The following MALT1 variants were observed in gnomAD, a reference collection of about 807,000 sequenced individuals.
MALT1 encodes MALT1 paracaspase.
In MALT1, 36 loss-of-function variants were observed where a neutral mutation model predicts 85.5. The ratio of observed to expected loss-of-function variants is 0.42; its 90% CI spans 0.32 to 0.56. The LOEUF (loss-of-function observed/expected upper bound fraction) is 0.56. Among genes scored for constraint, MALT1 ranks in the 20% least tolerant of loss-of-function variants. The pLI, the probability that MALT1 is intolerant of heterozygous loss-of-function variation, is 0.10. For synonymous variants in MALT1, 359 were observed against 361.3 expected (o/e 0.99, Z 0.07); for missense variants, 716 against 981.6 (o/e 0.73, Z 3.62).
chr18:58,742,279 TAA>T (rs776036346), intron 14 of MALT1, among the ~76,000 whole-genome samples: 6 of 152,234 alleles, frequency 3.9e-5, no homozygotes, highest in Non-Finnish European at 8.8e-5. Flanking sequence ...TAAAATAGGT[TAA>T]GTTTCCATTT....
chr18:58,747,594 ACCT>A lies in MALT1; in HGVS notation c.2229_2231del (p.Ser744del). The A allele has an allele frequency of 6.2e-7, 1 of 1,614,176 alleles. No individual in the cohort carries two copies. Among genetic ancestry groups the A allele is most frequent in the Non-Finnish European group, 8.5e-7 (1 of 1,180,020 alleles). ...TGGTCCTTACCAGAGTTCTGCAGCC[ACCT>A]CAGGAGGAGCAGGGCATTATCACTC... On this transcript the variant is annotated inframe_deletion, in exon 17 of 17. Transcript: ENST00000649217.
Position 58,696,498 on chromosome 18 carries a change from A to T in MALT1, c.498+11A>T, listed in dbSNP as rs755962287. On this transcript the variant is annotated intron_variant, in intron 3 of 16. Coordinates refer to ENST00000649217, the MANE Select transcript of MALT1 (RefSeq NM_006785.4). ...AAAATGAATAAAGAGGTAATTTTTT[A>T]AATATATCTTTTAATTCTTCCAAGG... The T allele has an allele frequency of 9.7e-6, 15 of 1,544,012 alleles. No homozygotes were observed. The highest frequency in any genetic ancestry group is 1.3e-5 in the Non-Finnish European group (15 of 1,140,854).
chr18:58,698,424 G>A (rs2054626115), intron 3 of MALT1, among the ~76,000 whole-genome samples: 1 of 152,212 alleles, frequency 6.6e-6, no homozygotes, highest in Non-Finnish European at 1.5e-5. Flanking sequence ...ACAGCAAGGT[G>A]AGCAGTTGTC....
intron 1 of MALT1, among the ~76,000 whole-genome samples, chr18:58,677,288 G>GA (rs2054255581): frequency 6.6e-6 from 1 of 151,936 alleles, no homozygotes; most frequent in African/African-American, 2.4e-5. Flanking sequence ...CTTTTGGGGG[G>GA]GAAGGAAAGC....
intron 8 of MALT1, among the ~76,000 whole-genome samples, chr18:58,714,463 G>A (rs1010163523): frequency 2.6e-4 from 39 of 152,136 alleles, no homozygotes; most frequent in Admixed American, 1.8e-3. Context: ...AGTGACAGGG[G>A]TAACATTTCT....
At chr18:58,727,014 A>T (rs2055064704) in intron 10 of MALT1, among the ~76,000 whole-genome samples, 1 of 152,376 alleles carries the variant, frequency 6.6e-6, no homozygotes, top group East Asian at 1.9e-4. Context: ...GCCAAAAGGA[A>T]TCTACAAAAT....
chr18:58,718,459 C>G (rs1000477982), intron 9 of MALT1, among the ~76,000 whole-genome samples: 2 of 152,190 alleles, frequency 1.3e-5, no homozygotes, highest in Non-Finnish European at 2.9e-5. Context: ...TGCCTCCTGT[C>G]AGATCAGCAG....
At chr18:58,739,486 CA>C (rs953678198) in intron 13 of MALT1, among the ~76,000 whole-genome samples, 3 of 152,140 alleles carry the variant, frequency 2.0e-5, no homozygotes, top group South Asian at 2.1e-4. Context: ...TTTAGTCCAG[CA>C]TTATTCAAGA....
At position 58,710,920 on chromosome 18, in the gene MALT1, G is replaced by A. The variant is rs143682914; in HGVS notation, c.926-1G>A. 1 of 1,584,750 alleles carries A rather than the reference G, an allele frequency of 6.3e-7. No homozygotes were observed. Among genetic ancestry groups the A allele is most frequent in the Non-Finnish European group, 8.6e-7 (1 of 1,168,220 alleles). On this transcript the variant is annotated splice_acceptor_variant, in intron 6 of 16. Transcript: ENST00000649217. LOFTEE classifies it high-confidence loss of function. ...TTCAAATTTGTTTTTTCTGAAACAA[G>A]GAAGAACAGATGAGGCAGTGGAGTG...
In MALT1 at chr18:58,671,551, C is replaced by T; in HGVS notation, c.-93C>T. 2 of 837,266 alleles carry T rather than the reference C, an allele frequency of 2.4e-6. No homozygotes were observed. Among genetic ancestry groups the T allele is most frequent in the Non-Finnish European group, 3.1e-6 (2 of 635,682 alleles). 51.9% of individuals were successfully genotyped at this position (837,266 alleles called of 1,614,324 possible). ...AGATTTGTTCTTCCGCCCCTGCCTC[C>T]GCGGCTCGGAGGCGAGCGGAAGGTG... On this transcript the variant is annotated 5_prime_UTR_variant, in exon 1 of 17. Transcript: ENST00000649217.
intron 10 of MALT1, among the ~76,000 whole-genome samples, chr18:58,725,720 T>C (rs1318290321): frequency 6.6e-6 from 1 of 152,222 alleles, no homozygotes; most frequent in African/African-American, 2.4e-5. Context: ...TCATTTCTTA[T>C]TGATATTTTC....
In MALT1 at chr18:58,723,245, G is replaced by A. The variant is rs2055008799; in HGVS notation, c.1216G>A (p.Val406Ile). The change falls in exon 10 of 17, where the codon GTA becomes ATA. Residue 406 changes from valine to isoleucine, a missense_variant. Physicochemically the swap from Val to Ile is conservative, Grantham distance 29. Transcript: ENST00000649217. Reference protein sequence around the residue: ...DEFLLLLDKGVYGLLYYAGHG... With the variant: ...DEFLLLLDKGIYGLLYYAGHG... ...GTTTTTACTCCTTTTAGACAAGGGA[G>A]TATATGGTAAGATATTTATAATGTT... 1 of 1,601,226 alleles carries A rather than the reference G, an allele frequency of 6.2e-7. No individual in the cohort carries two copies. Among genetic ancestry groups the A allele is most frequent in the Admixed American group, 1.7e-5 (1 of 59,906 alleles).
chr18:58,752,853 T>A lies in MALT1; in HGVS notation c.*5011T>A, dbSNP rs1459524152. ...CAATCAGAATATGAAAATGTGTAAA[T>A]GTGCATATTCTCTTTTTTTCTAATT... is the stretch of plus-strand genomic sequence containing the variant. On this transcript the variant is annotated 3_prime_UTR_variant, in exon 17 of 17. Coordinates refer to ENST00000649217, the MANE Select transcript of MALT1 (RefSeq NM_006785.4). 2 of 152,194 alleles carry A rather than the reference T, an allele frequency of 1.3e-5. No individual in the cohort carries two copies. The highest frequency in any genetic ancestry group is 2.9e-5 in the Non-Finnish European group (2 of 68,040). 9.4% of individuals were successfully genotyped at this position (152,194 alleles called of 1,614,324 possible). A position where few individuals can be genotyped will look rare whatever the true frequency, so the allele number is the denominator to read the frequency against.
At chr18:58,685,984 ATAGACT>A (rs901506021) in intron 2 of MALT1, among the ~76,000 whole-genome samples, 2 of 152,040 alleles carry the variant, frequency 1.3e-5, no homozygotes, top group African/African-American at 2.4e-5. Context: ...ATCTGTATAG[ATAGACT>A]TAGATGTGTA....
At chr18:58,733,853 T>TC (rs2055188229) in intron 11 of MALT1, 2 of 1,197,990 alleles carry the variant, frequency 1.7e-6, no homozygotes, top group East Asian at 8.6e-5. Flanking sequence ...TTTAGATGAC[T>TC]TTAATAATCA....
chr18:58,703,378 A>G (rs1331731450), intron 4 of MALT1, among the ~76,000 whole-genome samples: 1 of 151,792 alleles, frequency 6.6e-6, no homozygotes, highest in South Asian at 2.1e-4. Context: ...AAATATCACC[A>G]TTTTCTTTAA....
At chr18:58,712,943 A>G (rs1568140676) in intron 7 of MALT1, among the ~76,000 whole-genome samples, 1 of 152,130 alleles carries the variant, frequency 6.6e-6, no homozygotes, top group Non-Finnish European at 1.5e-5. Flanking sequence ...TTAGGAGGTC[A>G]GAGGAGGGGG....
rs762203613 is a variant in MALT1 at position 58,750,274 on chromosome 18, A to AT, written c.*2432_*2433insT. On this transcript the variant is annotated 3_prime_UTR_variant, in exon 17 of 17. Transcript: ENST00000649217. ...AAGAAATTAAGATCCAGATAAATGG[A>AT]AAGACATCCATGTTCATGGATTGGA... The AT allele has an allele frequency of 7.3e-5, 12 of 163,422 alleles. No homozygotes were observed. The highest frequency in any genetic ancestry group is 1.5e-4 in the Non-Finnish European group (11 of 74,524). The allele number at this position is 163,422 out of a possible 1,614,324, so 10.1% of individuals were successfully genotyped here.
Position 58,745,743 on chromosome 18 carries a change from T to C in MALT1, c.1989T>C (p.Leu663=), listed in dbSNP as rs756459071. Residue 663 remains leucine (L), a synonymous_variant, in exon 16 of 17, where the codon CTT becomes CTC. Coordinates refer to ENST00000649217, the MANE Select transcript of MALT1 (RefSeq NM_006785.4). ...ETGSYLVSKD[L]PKHCLYTRLS... ...GCAGCTACTTGGTATCAAAGGATCT[T>C]CCCAAGCATTGCCTCTATACCAGAC... The C allele has an allele frequency of 6.2e-7, 1 of 1,613,838 alleles. No individual in the cohort carries two copies. Among genetic ancestry groups the C allele is most frequent in the Non-Finnish European group, 8.5e-7 (1 of 1,179,784 alleles).
Sources: allele counts gnomAD v4.1 joint callset (sites outside exome capture counted in the v4.1 genomes callset), GRCh38; gene constraint gnomAD v4.1.1; transcripts MANE v1.5; gene names NCBI Gene and HGNC (gene_info 2026-07-23, HGNC 2026-07-21).